The following PCDHGA7 variants were observed in gnomAD, a reference collection of about 807,000 sequenced individuals.
PCDHGA7 encodes the protein protocadherin gamma subfamily A, 7.
Under a neutral mutation model 58.3 loss-of-function variants are expected in PCDHGA7, and 44 were observed. The ratio of observed to expected loss-of-function variants is 0.75; its 90% CI spans 0.59 to 0.97. The LOEUF is 0.97. Ranked by LOEUF, PCDHGA7 falls within the 50% of genes least tolerant of loss-of-function variation. The pLI is 0.00. For synonymous variants in PCDHGA7, 516 were observed against 504.2 expected, an observed-to-expected ratio of 1.02 and a Z score of -0.31; for missense variants, 1,266 against 1,188.7, an observed-to-expected ratio of 1.06 and a Z score of -0.96.
Position 141,383,923 on chromosome 5 carries a change from G to T in PCDHGA7, c.1024G>T (p.Asp342Tyr), listed in dbSNP as rs201582947. The change falls in exon 1 of 4, where the codon GAT becomes TAT. Residue 342 changes from aspartate to tyrosine, a missense_variant. Coordinates refer to ENST00000518325, the MANE Select transcript of PCDHGA7 (RefSeq NM_018920.4). ...KVLITVLDVN[D>Y]NAPEVTMTSL... ...ACTGATCACAGTTTTAGATGTAAAT[G>T]ATAATGCTCCAGAAGTGACTATGAC... 169 of 1,613,826 alleles carry T rather than the reference G, an allele frequency of 1.0e-4. No homozygotes were observed. Among genetic ancestry groups the T allele is most frequent in the Non-Finnish European group, 1.3e-4 (156 of 1,179,886 alleles).
rs752147264 is a variant in PCDHGA7, at chr5:141,398,602, G to C, written c.2424+13279G>C. 8 of 1,613,936 alleles carry C rather than the reference G, an allele frequency of 5.0e-6. No individual in the cohort carries two copies. The East Asian group carries it at 1.6e-4, about 31-fold the overall frequency. On this transcript the variant is annotated intron_variant, in intron 1 of 3. Transcript: ENST00000518325. ...AAGATTTATACTAGAAGTAGCAGAA[G>C]ATGCAGATATTGGCTTAAACTCTCT...
At position 141,485,010 on chromosome 5, in the gene PCDHGA7, C is replaced by T; in HGVS notation, c.2425-9797C>T. 1 of 629,958 alleles carries T rather than the reference C, an allele frequency of 1.6e-6. No homozygotes were observed. The highest frequency in any genetic ancestry group is 2.9e-6 in the Non-Finnish European group (1 of 350,608). 39.0% of individuals were successfully genotyped at this position (629,958 alleles called of 1,614,324 possible). On this transcript the variant is annotated intron_variant, in intron 1 of 3. Coordinates refer to ENST00000518325, the MANE Select transcript of PCDHGA7 (RefSeq NM_018920.4). This position sits in a 1 kb window ranked among gnomAD's most constrained non-coding sequence, Gnocchi z 5.7. ...GTGGTGAAAGGCAGACAAATCTACC[C>T]CGCCACCAGCAAAAACGGCGCGTAA...
intron 1 of PCDHGA7, among the ~76,000 whole-genome samples, chr5:141,481,749 C>G (rs958851030): frequency 7.9e-5 from 12 of 151,976 alleles, no homozygotes; most frequent in African/African-American, 2.9e-4. Context: ...GTCAGGAGTC[C>G]AAGACCAGCC....
intron 1 of PCDHGA7, chr5:141,418,730 G>A (rs371887408): frequency 6.2e-6 from 10 of 1,613,832 alleles, no homozygotes; most frequent in African/African-American, 1.3e-5. Context: ...AGCTCAGCAC[G>A]TGTTCTCTCT....
At position 141,419,598 on chromosome 5, in the gene PCDHGA7, G is replaced by A. The variant is rs1466867194; in HGVS notation, c.2424+34275G>A. On this transcript the variant is annotated intron_variant, in intron 1 of 3. Transcript: ENST00000518325. ...TCCGCGCTCTTCGACACAGTGCCGC[G>A]GGCCGCGCAGCCAGGCTACCTGGTG... 21 of 1,611,674 alleles carry A rather than the reference G, an allele frequency of 1.3e-5. No individual in the cohort carries two copies. In the South Asian group the frequency reaches 1.3e-4, roughly 10 times the overall value.
At chr5:141,419,311 C>G (rs745852942) in intron 1 of PCDHGA7, 1 of 1,613,994 alleles carries the variant, frequency 6.2e-7, no homozygotes, top group Non-Finnish European at 8.5e-7. Flanking sequence ...TCGGGCTCAA[C>G]GGCCGTGTCT....
At position 141,385,190 on chromosome 5, in the gene PCDHGA7, G is replaced by C. The variant is rs899564761; in HGVS notation, c.2291G>C (p.Arg764Pro). The C allele has an allele frequency of 3.7e-6, 6 of 1,614,166 alleles. No individual in the cohort carries two copies. The highest frequency in any genetic ancestry group is 5.1e-6 in the Non-Finnish European group (6 of 1,180,032). The change falls in exon 1 of 4, where the codon CGG becomes CCG. Residue 764 changes from arginine (R) to proline (P), a missense_variant. Transcript: ENST00000518325. ...SHEVSLTADS[R>P]KSHLIFPQPN... is the part of the protein sequence containing the mutation. ...GAGGTCTCCCTCACCGCGGACTCTC[G>C]GAAGAGTCACCTGATCTTCCCCCAG...
intron 1 of PCDHGA7, among the ~76,000 whole-genome samples, chr5:141,438,636 ACACACAC>A: frequency 3.9e-5 from 1 of 25,700 alleles, no homozygotes; most frequent in African/African-American, 1.5e-4. Flanking sequence ...ATATATATAT[ACACACAC>A]ACACACACAT....
intron 1 of PCDHGA7, chr5:141,392,255 G>A (rs912458411): frequency 4.6e-5 from 7 of 152,104 alleles, no homozygotes; most frequent in Non-Finnish European, 1.0e-4. Flanking sequence ...AGTATATATT[G>A]GAGACATTTA....
intron 1 of PCDHGA7, chr5:141,427,054 C>T (rs1235803553): frequency 4.4e-6 from 2 of 457,580 alleles, no homozygotes; most frequent in Admixed American, 4.7e-5. Context: ...CCCCCAGGCA[C>T]CTCTGTACTA....
rs757333940 is a variant in PCDHGA7, at chr5:141,404,777, T to A, written c.2424+19454T>A. The A allele has an allele frequency of 7.4e-6, 12 of 1,613,404 alleles. 1 individual carries two copies. In the South Asian group the frequency reaches 1.3e-4, roughly 18 times the overall value. ...GAATGCTTGGCTCTCCTACCGCCTA[T>A]TCAAGGCCAGTGAGCCAGGGCTCTT... On this transcript the variant is annotated intron_variant, in intron 1 of 3. Transcript: ENST00000518325.
chr5:141,472,980 C>CAAAAAAAAAAAAAAAAAAAAA (rs60579131), intron 1 of PCDHGA7, among the ~76,000 whole-genome samples: 3 of 86,094 alleles, frequency 3.5e-5, no homozygotes, highest in Non-Finnish European at 5.0e-5. Context: ...GAGTGAAACT[C>CAAAAAAAAAAAAAAAAAAAAA]AAAAAAAAAA....
At chr5:141,460,214 G>A (rs925628892) in intron 1 of PCDHGA7, among the ~76,000 whole-genome samples, 2 of 151,896 alleles carry the variant, frequency 1.3e-5, no homozygotes, top group Admixed American at 6.6e-5. Flanking sequence ...CATTTTCTTA[G>A]TTGTGTCTTT....
intron 1 of PCDHGA7, among the ~76,000 whole-genome samples, chr5:141,462,337 T>C (rs1053544147): frequency 6.6e-6 from 1 of 152,260 alleles, no homozygotes; most frequent in Non-Finnish European, 1.5e-5. Context: ...TTAATTGTAT[T>C]GTGATCCAAA....
At position 141,434,771 on chromosome 5, in the gene PCDHGA7, TA is replaced by T. The variant is rs36031641; in HGVS notation, c.2424+49461del. On this transcript the variant is annotated intron_variant, in intron 1 of 3. Transcript: ENST00000518325. ...CCCCTGATTCCCCACTTCACACTTC[TA>T]AAAAAAAAAAAATTTTTTTTTCTGA... 2.5e-3 allele frequency among the ~76,000 whole-genome samples: 362 copies of T among 145,286 alleles called. 1 individual carries two copies. The highest frequency in any genetic ancestry group is 0.011 in the Middle Eastern group (3 of 280).
intron 1 of PCDHGA7, chr5:141,428,456 A>G (rs538022786): frequency 1.4e-5 from 5 of 358,650 alleles, no homozygotes; most frequent in South Asian, 1.1e-4. Context: ...TTTCCCAACT[A>G]CAATGAGGGA....
chr5:141,485,619 G>A lies in PCDHGA7; in HGVS notation c.2425-9188G>A. On this transcript the variant is annotated intron_variant, in intron 1 of 3. Coordinates refer to ENST00000518325, the MANE Select transcript of PCDHGA7 (RefSeq NM_018920.4). This position sits in a 1 kb window ranked among gnomAD's most constrained non-coding sequence, Gnocchi z 5.7. ...GAAATTGGGGAGGCAGCTCCTCCAG[G>A]ACAGCGTTTCCCGTTGGAAAAGGCT... 3 of 1,612,234 alleles carry A rather than the reference G, an allele frequency of 1.9e-6. No homozygotes were observed. The highest frequency in any genetic ancestry group is 2.5e-6 in the Non-Finnish European group (3 of 1,178,678).
chr5:141,419,334 T>C (rs1260087339), intron 1 of PCDHGA7: 3 of 1,613,870 alleles, frequency 1.9e-6, no homozygotes, highest in Non-Finnish European at 8.5e-7. Flanking sequence ...TACTCTCTCA[T>C]TGCCAGCGAC....
At position 141,450,007 on chromosome 5, in the gene PCDHGA7, T is replaced by TA. The variant is rs57702245; in HGVS notation, c.2425-44800_2425-44799insA. Among the ~76,000 whole-genome samples the TA allele has an allele frequency of 5.9e-4, 19 of 31,956 alleles. No homozygotes were observed. In the African/African-American group the frequency reaches 7.8e-3, roughly 13 times the overall value. 21.0% of individuals were successfully genotyped at this position (31,956 alleles called of 152,430 possible). A position where few individuals can be genotyped will look rare whatever the true frequency, so the allele number is the denominator to read the frequency against. On this transcript the variant is annotated intron_variant, in intron 1 of 3. Coordinates refer to ENST00000518325, the MANE Select transcript of PCDHGA7 (RefSeq NM_018920.4). Reference sequence around the variant, plus strand: ...ACATTGCATTTAGTTGCCATGTCTCTTTTTTTTTTTTTTTTTTGAGACAGG... The same window carrying TA: ...ACATTGCATTTAGTTGCCATGTCTCTATTTTTTTTTTTTTTTTTGAGACAGG...
Sources: allele counts gnomAD v4.1 joint callset (sites outside exome capture counted in the v4.1 genomes callset), GRCh38; gene constraint gnomAD v4.1.1; non-coding constraint Gnocchi (gnomAD v3.1); transcripts MANE v1.5; gene names NCBI Gene and HGNC (gene_info 2026-07-23, HGNC 2026-07-21).